FBXO31: variants seen among roughly 807,000 people sequenced by gnomAD.
FBXO31 encodes the protein F-box only protein 31.
FBXO31 carries 24 observed loss-of-function variants against 54.4 expected under a neutral mutation model. The ratio of observed to expected loss-of-function variants is 0.44; its 90% CI spans 0.32 to 0.62. The LOEUF is 0.62. Among genes scored for constraint, FBXO31 ranks in the 20% least tolerant of loss-of-function variants. The probability of loss-of-function intolerance (pLI) is 0.05; values close to 1 mark genes in which losing one functional copy is unlikely to be tolerated. For missense variants in FBXO31, 665 were observed against 787.1 expected (o/e 0.84, Z 1.86); for synonymous variants, 388 against 335.6 (o/e 1.16, Z -1.71).
Position 87,333,992 on chromosome 16 carries a change from C to A in FBXO31, c.1291G>T (p.Val431Leu). The A allele has an allele frequency of 1.2e-6, 2 of 1,612,844 alleles. No individual in the cohort carries two copies. Among genetic ancestry groups the A allele is most frequent in the Non-Finnish European group, 1.7e-6 (2 of 1,179,816 alleles). ...GEDGGEPGDA[V>L]AAAEQPAQCG... ...TGGGCAGGCTGCTCGGCCGCAGCTA[C>A]GGCATCCCCAGGCTCGCCACCATCC... The change falls in exon 8 of 9, where the codon GTA (valine) becomes TTA (leucine). Residue 431 changes from valine to leucine, a missense_variant. This residue lies in a region of FBXO31 where 165 missense variants were observed against 159.7 expected (regional missense o/e 1.03). Coordinates refer to ENST00000311635, the MANE Select transcript of FBXO31 (RefSeq NM_024735.5).
chr16:87,340,409 C>T (rs1034723115), intron 5 of FBXO31, among the ~76,000 whole-genome samples: 11 of 152,164 alleles, frequency 7.2e-5, no homozygotes, highest in Admixed American at 2.6e-4. Flanking sequence ...ACAAAAGCAG[C>T]GCTACAAATT....
chr16:87,371,296 C>G (rs1329523175), intron 1 of FBXO31, among the ~76,000 whole-genome samples: 2 of 152,226 alleles, frequency 1.3e-5, no homozygotes, highest in Admixed American at 6.5e-5. Flanking sequence ...CTCCTCCAGC[C>G]AGGACTTCCG....
At chr16:87,343,045 C>G in intron 4 of FBXO31, 94 bp from the exon 5 acceptor site, 1 of 1,019,906 alleles carries the variant, frequency 9.8e-7, no homozygotes, top group East Asian at 2.6e-5. Flanking sequence ...ACCCCTCCCT[C>G]ACCACACCCA....
In FBXO31 at chr16:87,336,218, T is replaced by G; in HGVS notation, c.779A>C (p.Asp260Ala). The G allele has an allele frequency of 6.2e-7, 1 of 1,614,170 alleles. No homozygotes were observed. The highest frequency in any genetic ancestry group is 8.5e-7 in the Non-Finnish European group (1 of 1,180,022). ...LREEWGRTLE[D>A]IFHEHMQELI... ...CTCCTGCATGTGCTCGTGGAAGATG[T>G]CCTCCAGCGTGCGCCCCCATTCCTC... The change falls in exon 6 of 9, where the codon GAC (aspartate) becomes GCC (alanine). Residue 260 changes from aspartate (D) to alanine (A), a missense_variant. Coordinates refer to ENST00000311635, the MANE Select transcript of FBXO31 (RefSeq NM_024735.5). The surrounding 1 kb of genome is among the most constrained non-coding windows in gnomAD (Gnocchi z 6.5).
Position 87,334,010 on chromosome 16 carries a change from C to T in FBXO31, c.1273G>A (p.Gly425Ser), listed in dbSNP as rs767536444. The T allele has an allele frequency of 6.2e-7, 1 of 1,612,818 alleles. No individual in the cohort carries two copies. The highest frequency in any genetic ancestry group is 1.7e-5 in the Admixed American group (1 of 60,006). Reference protein sequence around the residue: ...GPDGTPGEDGGEPGDAVAAAE... With the variant: ...GPDGTPGEDGSEPGDAVAAAE... ...GCAGCTACGGCATCCCCAGGCTCGCCACCATCCTCACCAGGTGTCCCATCT... is the reference window on the plus strand; with the variant it reads ...GCAGCTACGGCATCCCCAGGCTCGCTACCATCCTCACCAGGTGTCCCATCT... The change falls in exon 8 of 9, where the codon GGC (glycine) becomes AGC (serine). Residue 425 changes from glycine (G) to serine (S), a missense_variant. By Grantham distance (56) the Gly-to-Ser change is moderately conservative. Around this residue, in one of 4 missense-constraint regions of FBXO31, gnomAD observed 165 missense variants for 159.7 expected, o/e 1.03. Coordinates refer to ENST00000311635, the MANE Select transcript of FBXO31 (RefSeq NM_024735.5).
At chr16:87,333,734 G>T in intron 8 of FBXO31, 152 bp downstream of exon 8, 2 of 1,215,770 alleles carry the variant, frequency 1.6e-6, no homozygotes, top group East Asian at 2.5e-5. Context: ...CATGGCCCAA[G>T]GGGTCAGAGG....
intron 1 of FBXO31, among the ~76,000 whole-genome samples, chr16:87,368,307 T>A (rs1906452557): frequency 6.6e-6 from 1 of 152,226 alleles, no homozygotes. Flanking sequence ...ATTTTCCACA[T>A]GATGAAAAAA....
intron 2 of FBXO31, among the ~76,000 whole-genome samples, chr16:87,351,546 G>A (rs2150680045): frequency 6.6e-6 from 1 of 152,224 alleles, no homozygotes; most frequent in East Asian, 1.9e-4. Flanking sequence ...CTGGGCAGCT[G>A]CCACATTATC....
chr16:87,373,309 G>A (rs537959948), intron 1 of FBXO31, among the ~76,000 whole-genome samples: 217 of 152,006 alleles, frequency 1.4e-3, no homozygotes, highest in African/African-American at 5.1e-3. Context: ...AAAATTAGCC[G>A]AGCATGGTGT....
chr16:87,350,975 G>C (rs553010957), intron 2 of FBXO31, among the ~76,000 whole-genome samples: 1 of 152,194 alleles, frequency 6.6e-6, no homozygotes, highest in African/African-American at 2.4e-5. Context: ...CAACACCTTC[G>C]CTGTACTTTG....
rs536078506 is a variant in FBXO31, at chr16:87,336,413, C to T, written c.733-149G>A. On this transcript the variant is annotated intron_variant, in intron 5 of 8. Transcript: ENST00000311635. This position sits in a 1 kb window ranked among gnomAD's most constrained non-coding sequence, Gnocchi z 6.5. The stretch of plus-strand genomic sequence containing the variant: ...TCTTGGTGGGGGAGGATGGACTTGG[C>T]GCTGGGAAGAGAAAGGGGAGCTGCC... The T allele has an allele frequency of 2.2e-5, 15 of 670,658 alleles. No homozygotes were observed. The highest frequency in any genetic ancestry group is 2.6e-4 in the Middle Eastern group (1 of 3,854). The allele number at this position is 670,658 out of a possible 1,614,324, so 41.5% of individuals were successfully genotyped here. A position where few individuals can be genotyped will look rare whatever the true frequency, so the allele number is the denominator to read the frequency against.
chr16:87,367,178 A>T (rs1345474258), intron 1 of FBXO31: 1 of 152,108 alleles, frequency 6.6e-6, no homozygotes, highest in African/African-American at 2.4e-5. Flanking sequence ...TCAAAAAAAT[A>T]AATAAATAAA....
At chr16:87,372,479 G>C (rs896161952) in intron 1 of FBXO31, among the ~76,000 whole-genome samples, 22 of 152,180 alleles carry the variant, frequency 1.4e-4, no homozygotes, top group African/African-American at 5.3e-4. Flanking sequence ...TGGACAGTGC[G>C]TTTATCCAGC....
At chr16:87,363,432 C>A (rs1906221613) in intron 1 of FBXO31, among the ~76,000 whole-genome samples, 1 of 152,142 alleles carries the variant, frequency 6.6e-6, no homozygotes, top group African/African-American at 2.4e-5. Flanking sequence ...ATCTCCTTTG[C>A]CTCACGGTCT....
intron 2 of FBXO31, among the ~76,000 whole-genome samples, chr16:87,354,159 A>T (rs8043667): frequency 0.46 from 70,525 of 152,240 alleles, 18,966 homozygotes; most frequent in East Asian, 1. Flanking sequence ...AATGAATTGG[A>T]GTTTTACATA....
chr16:87,382,803 T>G (rs1181677560), intron 1 of FBXO31, among the ~76,000 whole-genome samples: 3 of 152,150 alleles, frequency 2.0e-5, no homozygotes, highest in Admixed American at 2.0e-4. Context: ...CGGCTAATTT[T>G]TGTATTTTTG....
intron 5 of FBXO31, among the ~76,000 whole-genome samples, chr16:87,341,582 G>T (rs961537528): frequency 2.0e-5 from 3 of 147,226 alleles, no homozygotes; most frequent in Non-Finnish European, 4.4e-5. Flanking sequence ...CCTGAACCGG[G>T]AAGGCGGAAG....
chr16:87,336,174 T>C lies in FBXO31; in HGVS notation c.823A>G (p.Ile275Val). ...ACTCACTCGTACTGACTGGTGTAGA[T>C]GAACTTCATCAGGATGAGCTCCTGC... is the stretch of plus-strand genomic sequence containing the variant. ...HMQELILMKF[I>V]YTSQYDNCLT... The change falls in exon 6 of 9, where the codon ATC becomes GTC. Residue 275 changes from isoleucine to valine, a missense_variant. By Grantham distance (29) the Ile-to-Val change is conservative (BLOSUM62 3). Transcript: ENST00000311635. The surrounding 1 kb of genome is among the most constrained non-coding windows in gnomAD (Gnocchi z 6.5). 6.2e-7 allele frequency: 1 copy of C among 1,614,130 alleles called. No individual in the cohort carries two copies. Among genetic ancestry groups the C allele is most frequent in the Non-Finnish European group, 8.5e-7 (1 of 1,179,988 alleles).
At chr16:87,366,355 AG>A (rs1251570163) in intron 1 of FBXO31, among the ~76,000 whole-genome samples, 2 of 152,358 alleles carry the variant, frequency 1.3e-5, no homozygotes, top group African/African-American at 4.8e-5. Context: ...TATAATATTT[AG>A]TTTATTTAGG....
Sources: gnomAD v4.1 joint callset for allele counts (sites outside exome capture counted in the v4.1 genomes callset) on GRCh38, gnomAD v4.1.1 for gene constraint, gnomAD v4.1.1 regional missense constraint, Gnocchi (gnomAD v3.1) non-coding constraint, MANE v1.5 for transcripts, NCBI Gene and HGNC (gene_info 2026-07-23, HGNC 2026-07-21) for gene names.